TMEM132C: variants seen among roughly 807,000 people sequenced by gnomAD.
TMEM132C encodes protein phosphatase 1, regulatory subunit 152.
Under a neutral mutation model 61.4 loss-of-function variants are expected in TMEM132C, and 29 were observed. The ratio of observed to expected loss-of-function variants is 0.47; its 90% confidence interval spans 0.35 to 0.64. The LOEUF is 0.64. Among genes scored for constraint, TMEM132C ranks in the 30% least tolerant of loss-of-function variants. The probability of loss-of-function intolerance (pLI) is 0.00; values close to 1 mark genes in which losing one functional copy is unlikely to be tolerated. For missense variants in TMEM132C, 1,408 were observed against 1,476.9 expected, an observed-to-expected ratio of 0.95 and a Z score of 0.76; for synonymous variants, 656 against 633.1, an observed-to-expected ratio of 1.04 and a Z score of -0.54.
At chr12:128,514,463 C>A (rs1872659350) in intron 2 of TMEM132C, among the ~76,000 whole-genome samples, 1 of 151,744 alleles carries the variant, frequency 6.6e-6, no homozygotes, top group Non-Finnish European at 1.5e-5. Flanking sequence ...ACATTTATTT[C>A]ATTATCTCTT....
intron 1 of TMEM132C, among the ~76,000 whole-genome samples, chr12:128,334,391 T>C (rs1185368693): frequency 6.6e-6 from 1 of 152,168 alleles, no homozygotes; most frequent in Non-Finnish European, 1.5e-5. Context: ...TTCTCATTCC[T>C]CAGTGCCAGT....
intron 1 of TMEM132C, among the ~76,000 whole-genome samples, chr12:128,355,298 G>C (rs1873468393): frequency 6.6e-6 from 1 of 152,120 alleles, no homozygotes; most frequent in Admixed American, 6.5e-5. Context: ...TCTCTGCAGG[G>C]TTCAGCATGC....
At chr12:128,579,102 G>A (rs559554982) in intron 3 of TMEM132C, among the ~76,000 whole-genome samples, 11 of 152,322 alleles carry the variant, frequency 7.2e-5, no homozygotes, top group East Asian at 5.8e-4. Flanking sequence ...CAAGGAAAAC[G>A]AAGCTCCATT....
intron 3 of TMEM132C, among the ~76,000 whole-genome samples, chr12:128,548,551 C>T (rs1006513483): frequency 1.3e-5 from 2 of 152,180 alleles, no homozygotes; most frequent in Non-Finnish European, 2.9e-5. Context: ...GATCATCTCT[C>T]CGTCTCATGA....
At chr12:128,622,360 A>AAAAAAAAAAATATAT (rs1277080166) in intron 4 of TMEM132C, among the ~76,000 whole-genome samples, 3 of 30,120 alleles carry the variant, frequency 1.0e-4, no homozygotes, top group African/African-American at 1.6e-4. Flanking sequence ...AAAAAAAAAA[A>AAAAAAAAAAATATAT]ATATATATAT....
chr12:128,321,221 T>C (rs1301473437), intron 1 of TMEM132C, among the ~76,000 whole-genome samples: 1 of 151,580 alleles, frequency 6.6e-6, no homozygotes, highest in African/African-American at 2.4e-5. Context: ...CTGCTTAAGA[T>C]TAAACATCTT....
At chr12:128,609,414 T>C (rs1876551018) in intron 3 of TMEM132C, among the ~76,000 whole-genome samples, 1 of 151,426 alleles carries the variant, frequency 6.6e-6, no homozygotes, top group Admixed American at 6.6e-5. Flanking sequence ...TTTTTAGTTT[T>C]TGTTTTTGTT....
intron 2 of TMEM132C, among the ~76,000 whole-genome samples, chr12:128,501,524 GA>G (rs201655814): frequency 0.025 from 3,854 of 152,264 alleles, 62 homozygotes; most frequent in Non-Finnish European, 0.034. Flanking sequence ...GTGCTGAGAA[GA>G]AGCATCTAAA....
intron 4 of TMEM132C, among the ~76,000 whole-genome samples, chr12:128,641,861 C>A (rs1030149720): frequency 6.6e-6 from 1 of 152,074 alleles, no homozygotes; most frequent in Admixed American, 6.6e-5. Context: ...GTGGCACGAT[C>A]TCGACTCACT....
chr12:128,276,756 G>T (rs1870704270), intron 1 of TMEM132C, among the ~76,000 whole-genome samples: 1 of 152,128 alleles, frequency 6.6e-6, no homozygotes. Flanking sequence ...TGGATCAAAT[G>T]CTGGCCACTT....
rs546207607 is a variant in TMEM132C, at chr12:128,552,411, C to T, written c.1121+8308C>T. ...ACATTATTTCAGTAAATCTTTCTAACGGTCTCATGAACTGAGGTATCATAC... is the reference window on the plus strand; with the variant it reads ...ACATTATTTCAGTAAATCTTTCTAATGGTCTCATGAACTGAGGTATCATAC... On this transcript the variant is annotated intron_variant, in intron 3 of 8. Coordinates refer to ENST00000435159, the MANE Select transcript of TMEM132C (RefSeq NM_001136103.3). 8.5e-5 allele frequency among the ~76,000 whole-genome samples: 13 copies of T among 152,274 alleles called. No homozygotes were observed. In the South Asian group the frequency reaches 1.9e-3, roughly 22 times the overall value.
chr12:128,636,085 C>G (rs954816984), intron 4 of TMEM132C, among the ~76,000 whole-genome samples: 3 of 152,138 alleles, frequency 2.0e-5, no homozygotes, highest in Non-Finnish European at 4.4e-5. Context: ...GGGTCTCACT[C>G]TGTTGCCCAG....
At chr12:128,681,361 G>A (rs1474414856) in intron 5 of TMEM132C, among the ~76,000 whole-genome samples, 1 of 152,090 alleles carries the variant, frequency 6.6e-6, no homozygotes, top group Non-Finnish European at 1.5e-5. Flanking sequence ...GGCACCGATG[G>A]GTCTGGGCTG....
At chr12:128,520,078 C>T (rs778170155) in intron 2 of TMEM132C, among the ~76,000 whole-genome samples, 12 of 152,166 alleles carry the variant, frequency 7.9e-5, no homozygotes, top group Admixed American at 4.6e-4. Context: ...GAGGAATGAC[C>T]GTCACCCTCT....
intron 1 of TMEM132C, among the ~76,000 whole-genome samples, chr12:128,320,174 G>C (rs950773216): frequency 9.9e-5 from 15 of 152,130 alleles, no homozygotes; most frequent in African/African-American, 3.6e-4. Context: ...AATTGCCCTT[G>C]TCATAAAATT....
chr12:128,511,221 CA>C (rs1872554187), intron 2 of TMEM132C, among the ~76,000 whole-genome samples: 1 of 152,208 alleles, frequency 6.6e-6, no homozygotes, highest in South Asian at 2.1e-4. Context: ...CTGCAGCCCC[CA>C]CCCATGAATG....
chr12:128,544,553 A>G (rs1316277074), intron 3 of TMEM132C, among the ~76,000 whole-genome samples: 1 of 152,246 alleles, frequency 6.6e-6, no homozygotes, highest in Non-Finnish European at 1.5e-5. Context: ...GATTCACTGT[A>G]GACATCCTGG....
chr12:128,614,613 A>G (rs533865364), intron 3 of TMEM132C, among the ~76,000 whole-genome samples: 1 of 152,338 alleles, frequency 6.6e-6, no homozygotes, highest in South Asian at 2.1e-4. Context: ...TGGGCAAGCC[A>G]TCTTTCCTTT....
At chr12:128,504,818 T>TGGGGGG (rs1872303240) in intron 2 of TMEM132C, among the ~76,000 whole-genome samples, 1 of 1,780 alleles carries the variant, frequency 5.6e-4, no homozygotes, top group Admixed American at 8.5e-3. Flanking sequence ...TAGGTGGGGG[T>TGGGGGG]GGGGGTGGGG....
Sources: allele counts gnomAD v4.1 joint callset (sites outside exome capture counted in the v4.1 genomes callset), GRCh38; gene constraint gnomAD v4.1.1; transcripts MANE v1.5; gene names NCBI Gene and HGNC (gene_info 2026-07-23, HGNC 2026-07-21).